PLCG2: variants seen among roughly 807,000 people sequenced by gnomAD.
PLCG2 encodes 1-phosphatidylinositol 4,5-bisphosphate phosphodiesterase gamma-2.
A neutral mutation model predicts 175.6 loss-of-function variants in PLCG2; 69 were observed. The ratio of observed to expected loss-of-function variants is 0.39; its 90% CI spans 0.32 to 0.48. The LOEUF is 0.48. PLCG2 is among the 20% of genes least tolerant of loss of function. The probability of loss-of-function intolerance (pLI) is 0.91; values close to 1 mark genes in which losing one functional copy is unlikely to be tolerated. For missense variants in PLCG2, 1,798 were observed against 1,650.9 expected (o/e 1.09, Z -1.54); for synonymous variants, 827 against 624.0 (o/e 1.33, Z -4.85).
chr16:81,859,713 T>G (rs990527585), intron 5 of PLCG2, among the ~76,000 whole-genome samples: 1 of 152,108 alleles, frequency 6.6e-6, no homozygotes, highest in Admixed American at 6.5e-5. Flanking sequence ...TTTTTTTGTA[T>G]TTTTAGTAGA....
intron 12 of PLCG2, among the ~76,000 whole-genome samples, chr16:81,894,612 C>T (rs571685539): frequency 3.3e-5 from 5 of 152,232 alleles, no homozygotes; most frequent in African/African-American, 4.8e-5. Context: ...GTGTCTCATG[C>T]CTGTAATCCC....
chr16:81,947,359 T>A (rs1405359063), intron 31 of PLCG2, among the ~76,000 whole-genome samples: 1 of 152,146 alleles, frequency 6.6e-6, no homozygotes, highest in Non-Finnish European at 1.5e-5. Flanking sequence ...GTCTTGAGAT[T>A]TCATTTAATT....
At chr16:81,768,668 C>T (rs1316941491) in intron 2 of PLCG2, among the ~76,000 whole-genome samples, 3 of 149,294 alleles carry the variant, frequency 2.0e-5, no homozygotes, top group Admixed American at 1.4e-4. Context: ...CGGGTTCAAG[C>T]GACCCTCCTG....
chr16:81,757,549 G>A (rs1300514865), intron 2 of PLCG2, among the ~76,000 whole-genome samples: 1 of 152,016 alleles, frequency 6.6e-6, no homozygotes, highest in Non-Finnish European at 1.5e-5. Context: ...GGGTGACAGA[G>A]TGAGACTCTG....
chr16:81,824,041 TTCCTTTCCTGTCCTGTCCTGTCCTG>T (rs1380502190), intron 2 of PLCG2, among the ~76,000 whole-genome samples: 1,267 of 75,874 alleles, frequency 0.017, 10 homozygotes, highest in African/African-American at 0.028. Flanking sequence ...TTCCTTTCCT[TTCCTTTCCTGTCCTGTCCTGTCCTG>T]TCCTGTCCTG....
chr16:81,805,775 TTTTTTTTG>T lies in PLCG2; in HGVS notation c.193+19601_193+19608del, dbSNP rs1345910925. The stretch of plus-strand genomic sequence containing the variant: ...GAGTAGTGTTTTGTTTTGTTTTTTT[TTTTTTTTG>T]TTTTTTTTTTTTTTTGCTGTTATTG... On this transcript the variant is annotated intron_variant, in intron 2 of 32. Coordinates refer to ENST00000564138, the MANE Select transcript of PLCG2 (RefSeq NM_002661.5). Among the ~76,000 whole-genome samples the T allele has an allele frequency of 4.1e-3, 420 of 102,754 alleles. 21 individuals carry two copies. The highest frequency in any genetic ancestry group is 0.014 in the African/African-American group (384 of 27,748). 67.4% of individuals were successfully genotyped at this position (102,754 alleles called of 152,430 possible). A position where few individuals can be genotyped will look rare whatever the true frequency, so the allele number is the denominator to read the frequency against.
intron 2 of PLCG2, among the ~76,000 whole-genome samples, chr16:81,838,551 T>C (rs1042045918): frequency 2.6e-5 from 4 of 151,042 alleles, no homozygotes; most frequent in Admixed American, 2.0e-4. Context: ...TCAGTGGGAG[T>C]TGAACAATGA....
At chr16:81,815,395 A>C (rs1412468028) in intron 2 of PLCG2, among the ~76,000 whole-genome samples, 1 of 152,212 alleles carries the variant, frequency 6.6e-6, no homozygotes, top group African/African-American at 2.4e-5. Flanking sequence ...AGGTGAAGAT[A>C]CAGTCTTAGA....
chr16:81,926,810 G>T (rs1192878271), intron 22 of PLCG2, among the ~76,000 whole-genome samples: 1 of 152,204 alleles, frequency 6.6e-6, no homozygotes, highest in Non-Finnish European at 1.5e-5. Flanking sequence ...TCCACGTAAA[G>T]CATGGAAACT....
At chr16:81,952,581 G>T (rs113426730) in intron 31 of PLCG2, among the ~76,000 whole-genome samples, 1 of 152,026 alleles carries the variant, frequency 6.6e-6, no homozygotes, top group Non-Finnish European at 1.5e-5. Flanking sequence ...ACCAGGGAGC[G>T]CTCCCAATGG....
At chr16:81,938,734 G>T in intron 28 of PLCG2, 67 bp from the exon 29 acceptor site, 1 of 896,300 alleles carries the variant, frequency 1.1e-6, no homozygotes, top group Non-Finnish European at 1.8e-6. Flanking sequence ...GAACCCAGCT[G>T]CAATCCACGC....
chr16:81,821,158 C>T (rs1204187449), intron 2 of PLCG2, among the ~76,000 whole-genome samples: 2 of 152,270 alleles, frequency 1.3e-5, no homozygotes, highest in African/African-American at 4.8e-5. Flanking sequence ...TCCCAAAGTG[C>T]TGGGATTACA....
intron 9 of PLCG2, 74 bp from the exon 10 acceptor site, chr16:81,889,098 G>A (rs959840725): frequency 1.1e-6 from 1 of 900,114 alleles, no homozygotes; most frequent in Non-Finnish European, 1.8e-6. Context: ...GATTGCGACT[G>A]GATGGACCCT....
At chr16:81,766,630 T>G (rs1369085584) in intron 2 of PLCG2, 1 of 152,392 alleles carries the variant, frequency 6.6e-6, no homozygotes, top group Non-Finnish European at 1.5e-5. Flanking sequence ...TGATCTTGTT[T>G]ATGTGTTTCC....
In PLCG2 at chr16:81,900,654, G is replaced by A. The variant is rs372240617; in HGVS notation, c.1236G>A (p.Glu412=). The change falls in exon 14 of 33, where the codon GAG becomes GAA. Residue 412 remains glutamate (E), a synonymous_variant. Coordinates refer to ENST00000564138, the MANE Select transcript of PLCG2 (RefSeq NM_002661.5). ...CCATCGAGGAGCACTGCAGCGTGGA[G>A]CAACAGCGTCACATGGCCAAGGCCT... ...ILSIEEHCSV[E]QQRHMAKAFK... 11 of 1,611,878 alleles carry A rather than the reference G, an allele frequency of 6.8e-6. No individual in the cohort carries two copies. The African/African-American group carries it at 1.2e-4, about 18-fold the overall frequency.
chr16:81,745,882 C>T (rs953131575), intron 1 of PLCG2, among the ~76,000 whole-genome samples: 2 of 152,178 alleles, frequency 1.3e-5, no homozygotes, highest in African/African-American at 2.4e-5. Flanking sequence ...AGCGGCCAGA[C>T]GTTATTCCTG....
intron 19 of PLCG2, among the ~76,000 whole-genome samples, chr16:81,914,700 C>A (rs915045622): frequency 7.2e-5 from 11 of 152,190 alleles, no homozygotes; most frequent in African/African-American, 2.7e-4. Flanking sequence ...AATGGTCTGG[C>A]AGGGATGAGA....
At chr16:81,800,109 G>C (rs938866812) in intron 2 of PLCG2, among the ~76,000 whole-genome samples, 1 of 152,112 alleles carries the variant, frequency 6.6e-6, no homozygotes, top group African/African-American at 2.4e-5. Flanking sequence ...ACTCTCATGA[G>C]GATTAGGGGA....
intron 21 of PLCG2, chr16:81,921,665 A>G (rs1910067971): frequency 3.4e-6 from 1 of 294,804 alleles, no homozygotes; most frequent in African/African-American, 2.2e-5. Context: ...CTGTTGTGTA[A>G]TTTCATGCAG....
Sources: allele counts gnomAD v4.1 joint callset (sites outside exome capture counted in the v4.1 genomes callset), GRCh38; gene constraint gnomAD v4.1.1; transcripts MANE v1.5; gene names NCBI Gene and HGNC (gene_info 2026-07-23, HGNC 2026-07-21).